The following ATP6V0A4 variants were observed in gnomAD, a reference collection of about 807,000 sequenced individuals.
ATP6V0A4 encodes the protein ATPase H+ transporting V0 subunit a4.
In ATP6V0A4, 86 loss-of-function variants were observed where a neutral mutation model predicts 107.3. The observed-to-expected ratio is 0.80, with a 90% CI of 0.67 to 0.96. ATP6V0A4 has a LOEUF of 0.96. Ranked by LOEUF, ATP6V0A4 falls within the 40% of genes least tolerant of loss-of-function variation. The pLI, the probability that ATP6V0A4 is intolerant of heterozygous loss-of-function variation, is 0.00. For synonymous variants in ATP6V0A4, 353 were observed against 381.4 expected (o/e 0.93, Z 0.87); for missense variants, 908 against 1,045.6 (o/e 0.87, Z 1.81).
chr7:138,746,122 C>G (rs1477451143), intron 13 of ATP6V0A4, among the ~76,000 whole-genome samples: 1 of 124,008 alleles, frequency 8.1e-6, no homozygotes, highest in Non-Finnish European at 1.8e-5. Context: ...AAGGCCTCAT[C>G]TGCTTAGGAA....
intron 21 of ATP6V0A4, among the ~76,000 whole-genome samples, chr7:138,707,402 A>AC (rs1803501949): frequency 1.9e-5 from 1 of 53,586 alleles, no homozygotes; most frequent in East Asian, 4.0e-4. Flanking sequence ...TAAATATATT[A>AC]TATATATATA....
At chr7:138,734,101 G>C in intron 16 of ATP6V0A4, 35 bp downstream of exon 16, 1 of 1,580,908 alleles carries the variant, frequency 6.3e-7, no homozygotes, top group Non-Finnish European at 8.7e-7. Flanking sequence ...AGTGTGATCA[G>C]ACAGAGCAGG....
At chr7:138,713,798 T>C (rs1481262188) in intron 20 of ATP6V0A4, among the ~76,000 whole-genome samples, 4 of 151,888 alleles carry the variant, frequency 2.6e-5, no homozygotes, top group African/African-American at 4.8e-5. Context: ...GAGTACTGCG[T>C]CTTCAGGAGA....
intron 17 of ATP6V0A4, among the ~76,000 whole-genome samples, chr7:138,732,061 G>A (rs913807496): frequency 6.6e-6 from 1 of 152,074 alleles, no homozygotes; most frequent in African/African-American, 2.4e-5. Flanking sequence ...AGCAGCTCCC[G>A]CCAGCTTTGG....
chr7:138,794,897 ATTT>A (rs34650343), intron 1 of ATP6V0A4, among the ~76,000 whole-genome samples: 26 of 104,024 alleles, frequency 2.5e-4, no homozygotes, highest in African/African-American at 8.5e-4. Context: ...AGCCCACCCT[ATTT>A]TTTTTTTTTT....
In ATP6V0A4 at chr7:138,795,380, A is replaced by G. The variant is rs148588751; in HGVS notation, c.-121+2654T>C. On this transcript the variant is annotated intron_variant, in intron 1 of 21. Coordinates refer to ENST00000310018, the MANE Select transcript of ATP6V0A4 (RefSeq NM_020632.3). ...CTGCTTGCCAGAAAAGCTTTCCCTG[A>G]TACGACTTGATAGGATGGTCTCAGC... is the stretch of plus-strand genomic sequence containing the variant. 5.4e-3 allele frequency among the ~76,000 whole-genome samples: 820 copies of G among 152,172 alleles called. 10 individuals carry two copies. Among genetic ancestry groups the G allele is most frequent in the African/African-American group, 0.019 (793 of 41,518 alleles).
intron 1 of ATP6V0A4, among the ~76,000 whole-genome samples, chr7:138,787,153 G>T (rs190537872): frequency 6.6e-6 from 1 of 152,198 alleles, no homozygotes; most frequent in Non-Finnish European, 1.5e-5. Context: ...GCACTTCAGG[G>T]TCTTTTCATG....
intron 3 of ATP6V0A4, among the ~76,000 whole-genome samples, chr7:138,770,462 C>T (rs1477355471): frequency 2.0e-5 from 3 of 152,202 alleles, no homozygotes; most frequent in Non-Finnish European, 2.9e-5. Flanking sequence ...GCTCAATAAA[C>T]GTTATTGAGG....
chr7:138,710,463 A>C (rs1228617347), intron 20 of ATP6V0A4, among the ~76,000 whole-genome samples: 1 of 152,198 alleles, frequency 6.6e-6, no homozygotes, highest in East Asian at 1.9e-4. Flanking sequence ...TGCTGGGATT[A>C]CAGGCGTAAG....
intron 1 of ATP6V0A4, among the ~76,000 whole-genome samples, chr7:138,792,766 G>GTTTTTTTTTT (rs1202969668): frequency 4.4e-5 from 3 of 68,704 alleles, no homozygotes; most frequent in African/African-American, 6.4e-5. Flanking sequence ...ACTCAGGTTT[G>GTTTTTTTTTT]TTTTTTTTTT....
intron 21 of ATP6V0A4, among the ~76,000 whole-genome samples, chr7:138,708,705 A>G (rs1274421381): frequency 6.6e-6 from 1 of 152,088 alleles, no homozygotes; most frequent in Non-Finnish European, 1.5e-5. Flanking sequence ...TCCTGGTGGT[A>G]CCCTCCTTCT....
Position 138,749,164 on chromosome 7 carries a change from T to TA in ATP6V0A4, c.1180+2dup, listed in dbSNP as rs776096300. On this transcript the variant is annotated splice_region_variant and intron_variant, in intron 12 of 21. Transcript: ENST00000310018. Reference sequence around the variant, plus strand: ...CCAGTCGTGCAGTTCATCAGATCTTTACCTGGGTTTATCTCCCGGTAGCTG... The same window carrying TA: ...CCAGTCGTGCAGTTCATCAGATCTTTAACCTGGGTTTATCTCCCGGTAGCTG... 6.2e-7 allele frequency: 1 copy of TA among 1,614,066 alleles called. No individual in the cohort carries two copies. The highest frequency in any genetic ancestry group is 2.2e-5 in the East Asian group (1 of 44,870).
chr7:138,762,541 C>T, intron 6 of ATP6V0A4, 107 bp from the exon 7 acceptor site: 2 of 1,542,462 alleles, frequency 1.3e-6, no homozygotes, highest in Non-Finnish European at 1.7e-6. Context: ...TAATTTTCCA[C>T]AAAAAGTTAA....
chr7:138,776,383 C>T (rs1208859643), intron 2 of ATP6V0A4, among the ~76,000 whole-genome samples: 1 of 152,212 alleles, frequency 6.6e-6, no homozygotes, highest in Non-Finnish European at 1.5e-5. Context: ...GCTGCACCCA[C>T]CCATCCTGCC....
intron 7 of ATP6V0A4, among the ~76,000 whole-genome samples, chr7:138,761,553 C>G (rs1806818015): frequency 6.6e-6 from 1 of 151,766 alleles, no homozygotes; most frequent in Non-Finnish European, 1.5e-5. Flanking sequence ...ATGGCGTGAA[C>G]CTGGGAGGCG....
At chr7:138,750,802 CATG>C (rs1352633966) in intron 11 of ATP6V0A4, among the ~76,000 whole-genome samples, 4 of 152,164 alleles carry the variant, frequency 2.6e-5, no homozygotes, top group Admixed American at 2.0e-4. Context: ...GTTTTTGGAC[CATG>C]ATGTGGGGGC....
intron 17 of ATP6V0A4, 91 bp from the exon 18 acceptor site, chr7:138,728,953 C>T: frequency 1.9e-6 from 3 of 1,605,412 alleles, no homozygotes; most frequent in Non-Finnish European, 2.5e-6. Context: ...GGCCACTTCA[C>T]TAGCACTTTA....
intron 5 of ATP6V0A4, among the ~76,000 whole-genome samples, chr7:138,763,456 C>T (rs1030427902): frequency 2.0e-5 from 3 of 150,948 alleles, no homozygotes; most frequent in Non-Finnish European, 2.9e-5. Flanking sequence ...GGTGAAACCC[C>T]ATCTCTACTA....
intron 17 of ATP6V0A4, among the ~76,000 whole-genome samples, chr7:138,731,500 G>A (rs1180446818): frequency 6.6e-6 from 1 of 152,166 alleles, no homozygotes; most frequent in African/African-American, 2.4e-5. Flanking sequence ...ATCACTGGGA[G>A]AGGCCAGGGG....
Sources: allele counts gnomAD v4.1 joint callset (sites outside exome capture counted in the v4.1 genomes callset), GRCh38; gene constraint gnomAD v4.1.1; transcripts MANE v1.5; gene names NCBI Gene and HGNC (gene_info 2026-07-23, HGNC 2026-07-21).